Variants in PRRX2 observed in about 807,000 individuals in gnomAD.
PRRX2 encodes paired mesoderm homeobox protein 2.
Under a neutral mutation model 18.0 loss-of-function variants are expected in PRRX2, and 11 were observed. That is an observed-to-expected ratio of 0.61 (90% CI 0.39 to 1.01). The LOEUF is 1.01. Ranked by LOEUF, PRRX2 falls within the 50% of genes least tolerant of loss-of-function variation. The pLI, the probability that PRRX2 is intolerant of heterozygous loss-of-function variation, is 0.01. For missense variants in PRRX2, 387 were observed against 351.0 expected (o/e 1.10, Z -0.82); for synonymous variants, 177 against 154.8 (o/e 1.14, Z -1.06).
At chr9:129,698,826 G>T (rs1442709369) in intron 1 of PRRX2, among the ~76,000 whole-genome samples, 1 of 152,230 alleles carries the variant, frequency 6.6e-6, no homozygotes, top group African/African-American at 2.4e-5. Context: ...TTCCCACCCT[G>T]CCTGCTGGAC....
At chr9:129,670,045 G>A (rs768052267) in intron 1 of PRRX2, among the ~76,000 whole-genome samples, 1 of 145,128 alleles carries the variant, frequency 6.9e-6, no homozygotes, top group Non-Finnish European at 1.5e-5. Context: ...TGTCTCTGTG[G>A]ATTTGACTAC....
intron 1 of PRRX2, among the ~76,000 whole-genome samples, chr9:129,717,695 CAAA>C (rs568330077): frequency 0.09 from 7,421 of 82,332 alleles, 323 homozygotes; most frequent in East Asian, 0.37. Context: ...GACTCCGCCT[CAAA>C]AAAAAAAAAA....
At chr9:129,697,073 C>G (rs1359998521) in intron 1 of PRRX2, among the ~76,000 whole-genome samples, 5 of 152,240 alleles carry the variant, frequency 3.3e-5, no homozygotes, top group African/African-American at 1.2e-4. Flanking sequence ...TGTGGAGACA[C>G]GCCCATAGGC....
chr9:129,665,965 A>G lies in PRRX2; in HGVS notation c.98A>G (p.Gln33Arg), dbSNP rs764488857. Residue 33 changes from glutamine to arginine, a missense_variant, in exon 1 of 4, where the codon CAG becomes CGG. Transcript: ENST00000372469. The surrounding 1 kb of genome is among the most constrained non-coding windows in gnomAD (Gnocchi z 5.3). ...GCGCTGGGGCCCGGCGACTGCGCCC[A>G]GGCGCGCAAGAACTTCTCGGTGAGC... ...PPALGPGDCA[Q>R]ARKNFSVSHL... 11 of 1,133,218 alleles carry G rather than the reference A, an allele frequency of 9.7e-6. No homozygotes were observed. The South Asian group carries it at 2.2e-4, about 23-fold the overall frequency. 70.2% of individuals were successfully genotyped at this position (1,133,218 alleles called of 1,614,324 possible). A position where few individuals can be genotyped will look rare whatever the true frequency, so the allele number is the denominator to read the frequency against.
intron 1 of PRRX2, among the ~76,000 whole-genome samples, chr9:129,676,642 T>C (rs1264320860): frequency 6.6e-6 from 1 of 152,100 alleles, no homozygotes; most frequent in Non-Finnish European, 1.5e-5. Context: ...CCACAGTTGA[T>C]GTAGAGGATG....
chr9:129,674,457 G>C (rs1832139862), intron 1 of PRRX2, among the ~76,000 whole-genome samples: 1 of 152,136 alleles, frequency 6.6e-6, no homozygotes, highest in African/African-American at 2.4e-5. Flanking sequence ...ACGGGTGATG[G>C]AGCAGCCAAG....
At chr9:129,666,983 G>A (rs550828537) in intron 1 of PRRX2, among the ~76,000 whole-genome samples, 9 of 140,682 alleles carry the variant, frequency 6.4e-5, no homozygotes, top group Admixed American at 5.6e-4. Context: ...CACCCGCCCC[G>A]GGGGACCCTG....
In PRRX2 at chr9:129,709,722, G is replaced by GA. The variant is rs1287373520; in HGVS notation, c.260-9506dup. On this transcript the variant is annotated intron_variant, in intron 1 of 3. Coordinates refer to ENST00000372469, the MANE Select transcript of PRRX2 (RefSeq NM_016307.4). This position sits in a 1 kb window ranked among gnomAD's most constrained non-coding sequence, Gnocchi z 4.2. ...GGTTTTTGTTCAAAATTAATGAGGT[G>GA]AAACATTCTTAAAAGTGTGGCAGGG... Among the ~76,000 whole-genome samples, 2 of 152,290 alleles carry GA rather than the reference G, an allele frequency of 1.3e-5. No individual in the cohort carries two copies. Among genetic ancestry groups the GA allele is most frequent in the Non-Finnish European group, 2.9e-5 (2 of 68,018 alleles).
At chr9:129,692,120 AT>A (rs146110560) in intron 1 of PRRX2, among the ~76,000 whole-genome samples, 17,645 of 148,812 alleles carry the variant, frequency 0.12, 1,277 homozygotes, top group East Asian at 0.37. Context: ...TAGTTTTTGT[AT>A]TTTTTTTTAG....
At chr9:129,696,637 G>A (rs735781) in intron 1 of PRRX2, among the ~76,000 whole-genome samples, 21,692 of 152,102 alleles carry the variant, frequency 0.14, 1,847 homozygotes, top group Middle Eastern at 0.25. Flanking sequence ...AGCTACCCTC[G>A]GTTCCCGGTT....
intron 1 of PRRX2, among the ~76,000 whole-genome samples, chr9:129,710,176 G>C (rs1280798238): frequency 6.6e-6 from 1 of 152,178 alleles, no homozygotes; most frequent in Non-Finnish European, 1.5e-5. Context: ...GCTCAGGCAG[G>C]GGTCCATGGT....
chr9:129,687,716 A>T (rs1156908475), intron 1 of PRRX2, among the ~76,000 whole-genome samples: 2 of 152,300 alleles, frequency 1.3e-5, no homozygotes, highest in East Asian at 3.9e-4. Context: ...AACTCATCAC[A>T]CCCGAGATTT....
At chr9:129,722,112 G>A in intron 3 of PRRX2, 105 bp from the exon 4 acceptor site, 1 of 1,489,922 alleles carries the variant, frequency 6.7e-7, no homozygotes. Flanking sequence ...GGCTGCCCAG[G>A]AGAGCAAGCT....
chr9:129,692,018 A>T (rs926503635), intron 1 of PRRX2, among the ~76,000 whole-genome samples: 2 of 150,002 alleles, frequency 1.3e-5, no homozygotes, highest in African/African-American at 4.9e-5. Context: ...ATCTCGGCTC[A>T]CTGCAATCTC....
At chr9:129,716,545 C>G (rs1267568683) in intron 1 of PRRX2, among the ~76,000 whole-genome samples, 1 of 151,972 alleles carries the variant, frequency 6.6e-6, no homozygotes, top group Middle Eastern at 3.4e-3. Context: ...ACCTCCACCC[C>G]ACAGGTTCAA....
rs1158353478 is a variant in PRRX2, at chr9:129,719,409, G to C, written c.438G>C (p.Ala146=). Residue 146 remains alanine (A), a synonymous_variant, in exon 2 of 4, where the codon GCG becomes GCC. Coordinates refer to ENST00000372469, the MANE Select transcript of PRRX2 (RefSeq NM_016307.4). ...ELARRVNLSE[A]RVQVWFQNRR... is the part of the protein sequence containing the mutation. ...CCCGGCGCGTCAACCTCAGCGAGGC[G>C]CGCGTTCAGGTGAGCGCTCAGTCCC... The C allele has an allele frequency of 6.5e-7, 1 of 1,534,526 alleles. No individual in the cohort carries two copies. The highest frequency in any genetic ancestry group is 1.2e-5 in the South Asian group (1 of 83,130).
intron 1 of PRRX2, among the ~76,000 whole-genome samples, chr9:129,703,746 C>T (rs1348832546): frequency 2.0e-5 from 3 of 152,164 alleles, no homozygotes; most frequent in African/African-American, 4.8e-5. Context: ...GTGAGGGGCG[C>T]GGCAGAAACA....
At chr9:129,703,199 C>T (rs1832517622) in intron 1 of PRRX2, among the ~76,000 whole-genome samples, 1 of 152,222 alleles carries the variant, frequency 6.6e-6, no homozygotes, top group Non-Finnish European at 1.5e-5. Flanking sequence ...GAGGCTGAGA[C>T]ATAGCAGGGG....
intron 1 of PRRX2, among the ~76,000 whole-genome samples, chr9:129,698,423 G>GAGTTCCCCC (rs1489072401): frequency 6.6e-6 from 1 of 152,204 alleles, no homozygotes; most frequent in African/African-American, 2.4e-5. Context: ...GCAGTTCCCC[G>GAGTTCCCCC]AGTTCCCCCT....
Sources: allele counts gnomAD v4.1 joint callset (sites outside exome capture counted in the v4.1 genomes callset), GRCh38; gene constraint gnomAD v4.1.1; non-coding constraint Gnocchi (gnomAD v3.1); transcripts MANE v1.5; gene names NCBI Gene and HGNC (gene_info 2026-07-23, HGNC 2026-07-21).